Variants in RERG observed in about 807,000 individuals in gnomAD.
RERG encodes ras-related and estrogen-regulated growth inhibitor.
In RERG, 25 loss-of-function variants were observed where a neutral mutation model predicts 23.2. The observed-to-expected ratio is 1.08, with a 90% confidence interval of 0.79 to 1.50. The LOEUF (loss-of-function observed/expected upper bound fraction) is 1.50, where lower values mean the gene tolerates loss of function less well. Among genes scored for constraint, RERG ranks in the 40% most tolerant of loss-of-function variants. The probability of loss-of-function intolerance (pLI) is 0.00; values close to 1 mark genes in which losing one functional copy is unlikely to be tolerated. For synonymous variants in RERG, 81 were observed against 89.1 expected, an observed-to-expected ratio of 0.91 and a Z score of 0.51; for missense variants, 253 against 250.1, an observed-to-expected ratio of 1.01 and a Z score of -0.08.
intron 2 of RERG, among the ~76,000 whole-genome samples, chr12:15,169,825 C>T (rs959995811): frequency 3.3e-5 from 5 of 152,094 alleles, no homozygotes; most frequent in Admixed American, 2.6e-4. Flanking sequence ...GATTAAACCA[C>T]ACTCTTTAGG....
chr12:15,200,875 G>A (rs1285091801), intron 2 of RERG, among the ~76,000 whole-genome samples: 1 of 151,786 alleles, frequency 6.6e-6, no homozygotes, highest in African/African-American at 2.4e-5. Context: ...TTTCCACTGA[G>A]GATATTTGAC....
At chr12:15,139,378 T>C (rs529571323) in intron 2 of RERG, among the ~76,000 whole-genome samples, 3 of 152,226 alleles carry the variant, frequency 2.0e-5, no homozygotes, top group African/African-American at 7.2e-5. Context: ...GGGATTTTAC[T>C]TGAATTGGAT....
chr12:15,159,721 G>A (rs1864576883), intron 2 of RERG, among the ~76,000 whole-genome samples: 1 of 152,194 alleles, frequency 6.6e-6, no homozygotes, highest in Non-Finnish European at 1.5e-5. Context: ...CTGCTTGTGA[G>A]GCTGAGGCAG....
chr12:15,157,099 C>T (rs549739190), intron 2 of RERG, among the ~76,000 whole-genome samples: 1 of 152,268 alleles, frequency 6.6e-6, no homozygotes, highest in African/African-American at 2.4e-5. Context: ...CTACATTTTC[C>T]ACTGTAGTGG....
chr12:15,169,376 G>C (rs1208718635), intron 2 of RERG, among the ~76,000 whole-genome samples: 1 of 152,224 alleles, frequency 6.6e-6, no homozygotes, highest in Non-Finnish European at 1.5e-5. Context: ...GACCAATGCA[G>C]TTGGGTATCA....
At chr12:15,133,402 G>T (rs1310018314) in intron 2 of RERG, among the ~76,000 whole-genome samples, 1 of 151,922 alleles carries the variant, frequency 6.6e-6, no homozygotes, top group South Asian at 2.1e-4. Flanking sequence ...TTTCCTGCAC[G>T]TTTTTTCATG....
intron 2 of RERG, among the ~76,000 whole-genome samples, chr12:15,167,967 C>G (rs1030432054): frequency 3.3e-5 from 5 of 152,130 alleles, no homozygotes; most frequent in African/African-American, 1.2e-4. Flanking sequence ...AAGGTAATGT[C>G]AACTGTACAC....
At chr12:15,122,420 T>G (rs1276496694) in intron 2 of RERG, among the ~76,000 whole-genome samples, 1 of 152,134 alleles carries the variant, frequency 6.6e-6, no homozygotes, top group Non-Finnish European at 1.5e-5. Context: ...GATGGCAGTG[T>G]AAATTGCATG....
At chr12:15,138,822 C>T (rs1864185908) in intron 2 of RERG, among the ~76,000 whole-genome samples, 1 of 151,712 alleles carries the variant, frequency 6.6e-6, no homozygotes, top group Non-Finnish European at 1.5e-5. Context: ...TTAATAAAGT[C>T]CAATTATCAA....
chr12:15,164,028 GAAGA>G (rs1189601971), intron 2 of RERG, among the ~76,000 whole-genome samples: 1 of 152,208 alleles, frequency 6.6e-6, no homozygotes, highest in African/African-American at 2.4e-5. Context: ...ATGAAGAGGA[GAAGA>G]GAGACAAGGA....
intron 2 of RERG, among the ~76,000 whole-genome samples, chr12:15,195,649 T>C (rs1437295014): frequency 6.7e-6 from 1 of 150,146 alleles, no homozygotes; most frequent in Non-Finnish European, 1.5e-5. Flanking sequence ...CCAAATCCAT[T>C]CAGCATCTAT....
At chr12:15,189,675 A>T (rs183637830) in intron 2 of RERG, among the ~76,000 whole-genome samples, 1 of 152,250 alleles carries the variant, frequency 6.6e-6, no homozygotes, top group Non-Finnish European at 1.5e-5. Flanking sequence ...AGTGACTTAC[A>T]TATAGTAGGT....
chr12:15,135,094 T>C (rs542994328), intron 2 of RERG, among the ~76,000 whole-genome samples: 11 of 152,344 alleles, frequency 7.2e-5, no homozygotes, highest in African/African-American at 1.9e-4. Context: ...ATTTCTCTTA[T>C]CAGAATTTTG....
chr12:15,151,506 A>C (rs892309462), intron 2 of RERG, among the ~76,000 whole-genome samples: 4 of 152,230 alleles, frequency 2.6e-5, no homozygotes, highest in Admixed American at 2.6e-4. Context: ...CTTACAAACC[A>C]CAATCCAGTG....
chr12:15,171,580 G>A (rs1864778625), intron 2 of RERG, among the ~76,000 whole-genome samples: 2 of 152,126 alleles, frequency 1.3e-5, no homozygotes, highest in Admixed American at 6.6e-5. Flanking sequence ...TAGAAGTCAT[G>A]AGTCAAAGTA....
intron 2 of RERG, among the ~76,000 whole-genome samples, chr12:15,143,446 TGTGA>T (rs1426170005): frequency 1.3e-5 from 2 of 152,172 alleles, no homozygotes; most frequent in Non-Finnish European, 2.9e-5. Flanking sequence ...TATTATTTTC[TGTGA>T]GTTTTAGAGT....
intron 2 of RERG, among the ~76,000 whole-genome samples, chr12:15,136,397 T>C (rs1033138934): frequency 6.6e-6 from 1 of 152,000 alleles, no homozygotes; most frequent in Non-Finnish European, 1.5e-5. Flanking sequence ...TACATTGATT[T>C]CTGTTCTAGT....
At chr12:15,164,635 T>TAATA (rs1864660773) in intron 2 of RERG, among the ~76,000 whole-genome samples, 1 of 152,206 alleles carries the variant, frequency 6.6e-6, no homozygotes, top group Admixed American at 6.5e-5. Context: ...TGCCATACCC[T>TAATA]GAGCTGTATA....
intron 2 of RERG, among the ~76,000 whole-genome samples, chr12:15,202,201 A>C (rs1865226668): frequency 6.6e-6 from 1 of 151,860 alleles, no homozygotes; most frequent in South Asian, 2.1e-4. Flanking sequence ...TGATACCATC[A>C]CCACAATTAA....
Sources: gnomAD v4.1 joint callset for allele counts (sites outside exome capture counted in the v4.1 genomes callset) on GRCh38, gnomAD v4.1.1 for gene constraint, MANE v1.5 for transcripts, NCBI Gene and HGNC (gene_info 2026-07-23, HGNC 2026-07-21) for gene names.